VPS8: variants seen among roughly 807,000 people sequenced by gnomAD.
VPS8 encodes the protein VPS8 subunit of CORVET complex, also known as vacuolar protein sorting-associated protein 8 homolog.
Under a neutral mutation model 216.4 loss-of-function variants are expected in VPS8, and 129 were observed. The ratio of observed to expected loss-of-function variants is 0.60; its 90% CI spans 0.52 to 0.69. The LOEUF is 0.69. Ranked by LOEUF, VPS8 falls within the 30% of genes least tolerant of loss-of-function variation. VPS8 has a pLI of 0.00. For synonymous variants in VPS8, 571 were observed against 565.4 expected (o/e 1.01, Z -0.14); for missense variants, 1,531 against 1,683.5 (o/e 0.91, Z 1.59).
At chr3:184,902,870 A>G (rs2109000775) in intron 25 of VPS8, among the ~76,000 whole-genome samples, 1 of 151,824 alleles carries the variant, frequency 6.6e-6, no homozygotes, top group Non-Finnish European at 1.5e-5. Flanking sequence ...ATTCAGTGTC[A>G]TAAATATTTT....
At position 185,005,932 on chromosome 3, in the gene VPS8, A is replaced by G. The variant is rs1221696527; in HGVS notation, c.4002+6071A>G. Among the ~76,000 whole-genome samples the G allele has an allele frequency of 2.0e-5, 3 of 152,082 alleles. No homozygotes were observed. The East Asian group carries it at 5.8e-4, about 29-fold the overall frequency. ...TGCTGTGGCCAGGACTTCCAGTACTATGTTGAATAAATGAAAGTGGGCATC... is the reference window on the plus strand; with the variant it reads ...TGCTGTGGCCAGGACTTCCAGTACTGTGTTGAATAAATGAAAGTGGGCATC... On this transcript the variant is annotated intron_variant, in intron 45 of 47. Coordinates refer to ENST00000625842, the MANE Select transcript of VPS8 (RefSeq NM_001009921.3).
At chr3:184,921,422 G>A (rs1326266687) in intron 29 of VPS8, among the ~76,000 whole-genome samples, 4 of 152,144 alleles carry the variant, frequency 2.6e-5, no homozygotes, top group Non-Finnish European at 4.4e-5. Context: ...TGAAGAAAAT[G>A]TTCCCTCTCC....
At chr3:184,835,509 CT>C (rs1209903159) in intron 5 of VPS8, among the ~76,000 whole-genome samples, 1 of 152,058 alleles carries the variant, frequency 6.6e-6, no homozygotes, top group Non-Finnish European at 1.5e-5. Flanking sequence ...CACTATCAGA[CT>C]TTTCTTTTGA....
At chr3:184,855,630 A>G in intron 13 of VPS8, 81 bp from the exon 14 acceptor site, 1 of 1,116,586 alleles carries the variant, frequency 9.0e-7, no homozygotes, top group Non-Finnish European at 1.3e-6. Context: ...CACTAGTCAG[A>G]TGCTGTTTTT....
chr3:184,899,982 T>C (rs1237264385), intron 24 of VPS8, among the ~76,000 whole-genome samples: 1 of 152,240 alleles, frequency 6.6e-6, no homozygotes, highest in African/African-American at 2.4e-5. Context: ...GCTATTTTAG[T>C]ACTTAAAGAG....
chr3:184,862,965 A>G lies in VPS8; in HGVS notation c.1293A>G (p.Thr431=), dbSNP rs185443657. The G allele has an allele frequency of 6.8e-5, 109 of 1,613,994 alleles. No homozygotes were observed. Among genetic ancestry groups the G allele is most frequent in the Non-Finnish European group, 8.8e-5 (104 of 1,179,842 alleles). ...VEKLHVIDRQ[T]QEELETVEIS... is the part of the protein sequence containing the mutation. ...AGTTGCATGTGATTGATCGGCAAAC[A>G]CAAGAGGAATTGGAGACAGTGGAGA... The change falls in exon 16 of 48, where the codon ACA becomes ACG. Residue 431 remains threonine (T), a synonymous_variant. Coordinates refer to ENST00000625842, the MANE Select transcript of VPS8 (RefSeq NM_001009921.3).
At position 184,824,801 on chromosome 3, in the gene VPS8, TCTG is replaced by T. The variant is rs1438479112; in HGVS notation, c.153+17_153+19del. On this transcript the variant is annotated intron_variant, in intron 2 of 47. Transcript: ENST00000625842. ...AAATGATCTGGTAAAAATTTCAATT[TCTG>T]TCAAGTGATAATGTTTAACCAGTGT... 2 of 1,588,980 alleles carry T rather than the reference TCTG, an allele frequency of 1.3e-6. No homozygotes were observed. Among genetic ancestry groups the T allele is most frequent in the South Asian group, 2.3e-5 (2 of 87,934 alleles).
intron 35 of VPS8, among the ~76,000 whole-genome samples, chr3:184,939,166 G>A (rs1022576149): frequency 1.3e-5 from 2 of 151,252 alleles, no homozygotes; most frequent in Non-Finnish European, 2.9e-5. Context: ...CTTTACTTTT[G>A]ATGGCAAGAA....
At chr3:184,927,729 C>T (rs1293451957) in intron 31 of VPS8, among the ~76,000 whole-genome samples, 1 of 152,152 alleles carries the variant, frequency 6.6e-6, no homozygotes, top group Admixed American at 6.5e-5. Flanking sequence ...AATCATAACT[C>T]CCACTCCCTG....
Position 185,027,816 on chromosome 3 carries a change from C to T in VPS8, c.4056+3427C>T, listed in dbSNP as rs1221415742. Among the ~76,000 whole-genome samples the T allele has an allele frequency of 2.0e-5, 3 of 152,186 alleles. No individual in the cohort carries two copies. In the East Asian group the frequency reaches 5.8e-4, roughly 29 times the overall value. On this transcript the variant is annotated intron_variant, in intron 46 of 47. Transcript: ENST00000625842. ...AGAATCGGCATCAGGCAAACAGAAG[C>T]TTCCTAAGCCAATGACTGGACACAA...
chr3:185,039,313 G>A (rs1467424227), intron 46 of VPS8, among the ~76,000 whole-genome samples: 1 of 151,808 alleles, frequency 6.6e-6, no homozygotes, highest in East Asian at 1.9e-4. Flanking sequence ...CCCACGGCTG[G>A]GTAATTTATA....
At chr3:185,031,990 C>A (rs1758239741) in intron 46 of VPS8, among the ~76,000 whole-genome samples, 1 of 152,010 alleles carries the variant, frequency 6.6e-6, no homozygotes, top group African/African-American at 2.4e-5. Flanking sequence ...ATGATGAAAC[C>A]CTATCTCTAC....
At chr3:184,962,305 A>G (rs1274682217) in intron 37 of VPS8, among the ~76,000 whole-genome samples, 1 of 152,228 alleles carries the variant, frequency 6.6e-6, no homozygotes, top group Non-Finnish European at 1.5e-5. Context: ...TTGTTTAGAC[A>G]ACCAAGTAGT....
intron 25 of VPS8, among the ~76,000 whole-genome samples, chr3:184,903,126 A>G (rs909690398): frequency 2.6e-5 from 4 of 152,116 alleles, no homozygotes; most frequent in African/African-American, 9.7e-5. Context: ...TGTGCTCTCT[A>G]TTCTGTCCTA....
chr3:184,878,583 G>A (rs550818763), intron 21 of VPS8, among the ~76,000 whole-genome samples: 1 of 152,288 alleles, frequency 6.6e-6, no homozygotes, highest in African/African-American at 2.4e-5. Context: ...GCCAAACACA[G>A]AGCGAGGCAG....
At chr3:184,920,411 C>T (rs926366008) in intron 29 of VPS8, among the ~76,000 whole-genome samples, 8 of 151,920 alleles carry the variant, frequency 5.3e-5, no homozygotes, top group South Asian at 2.1e-4. Flanking sequence ...GACTGGGGAC[C>T]GGAATAGAGG....
chr3:184,984,194 A>AAAAAACAAAAAACAAAAAAACTCACCAAG lies in VPS8; in HGVS notation c.3585+1100_3585+1101insAAAAACAAAAAACAAAAAAACTCACCAAG. Among the ~76,000 whole-genome samples the AAAAAACAAAAAACAAAAAAACTCACCAAG allele has an allele frequency of 4.1e-4, 19 of 46,532 alleles. 3 individuals carry two copies. The highest frequency in any genetic ancestry group is 1.3e-3 in the African/African-American group (19 of 14,868). The allele number at this position is 46,532 out of a possible 152,430, so 30.5% of individuals were successfully genotyped here. On this transcript the variant is annotated intron_variant, in intron 42 of 47. Transcript: ENST00000625842. ...GCGAGACTCCGTCTCAAAAAAAAAA[A>AAAAAACAAAAAACAAAAAAACTCACCAAG]CTCTACTTCCCATCTGATATTAAGC...
At chr3:185,051,820 C>G in intron 47 of VPS8, 56 bp from the exon 48 acceptor site, 1 of 1,495,254 alleles carries the variant, frequency 6.7e-7, no homozygotes, top group Non-Finnish European at 8.9e-7. Flanking sequence ...GATTCAGGAG[C>G]CTCTCTTCCC....
intron 36 of VPS8, among the ~76,000 whole-genome samples, chr3:184,952,568 T>C (rs1416417694): frequency 6.6e-6 from 1 of 152,204 alleles, no homozygotes; most frequent in East Asian, 1.9e-4. Context: ...AATAGTAATT[T>C]ACGCTGAGTA....
Sources: gnomAD v4.1 joint callset for allele counts (sites outside exome capture counted in the v4.1 genomes callset) on GRCh38, gnomAD v4.1.1 for gene constraint, MANE v1.5 for transcripts, NCBI Gene and HGNC (gene_info 2026-07-23, HGNC 2026-07-21) for gene names.